Variants in TENM1 observed in about 807,000 individuals in gnomAD.
TENM1 encodes the protein teneurin-1.
TENM1 carries 35 observed loss-of-function variants against 174.8 expected under a neutral mutation model. The observed-to-expected ratio is 0.20, with a 90% CI of 0.15 to 0.27. TENM1 has a LOEUF of 0.27. TENM1 is among the 10% of genes least tolerant of loss of function. The pLI is 1.00. For synonymous variants in TENM1, 781 were observed against 798.7 expected (o/e 0.98, Z 0.37); for missense variants, 1,633 against 2,130.1 (o/e 0.77, Z 4.59).
intron 3 of TENM1, among the ~76,000 whole-genome samples, chrX:124,850,955 TAA>T (rs779532343): frequency 9.0e-6 from 1 of 111,361 alleles, no homozygotes; most frequent in Non-Finnish European, 1.9e-5. Context: ...AACTTCTGAA[TAA>T]AGAGACAGCC....
At position 124,742,407 on chromosome X, in the gene TENM1, C is replaced by A. The variant is rs111416628; in HGVS notation, c.536-5210G>T. Among the ~76,000 whole-genome samples the A allele has an allele frequency of 4.5e-3, 498 of 111,253 alleles. 3 individuals are homozygous for A. Among genetic ancestry groups the A allele is most frequent in the African/African-American group, 0.015 (469 of 30,675 alleles). ...AATGAGTTTGTTTTCCCCTAACTCA[C>A]TGGGTGGCAAAAGCTGACCTGAAAT... On this transcript the variant is annotated intron_variant, in intron 3 of 31. Coordinates refer to ENST00000422452, the Ensembl canonical transcript of TENM1.
Position 124,663,751 on chromosome X carries a change from G to GTTT in TENM1, c.1168+7929_1168+7931dup, listed in dbSNP as rs60541515. Among the ~76,000 whole-genome samples, 694 of 93,917 alleles carry GTTT rather than the reference G, an allele frequency of 7.4e-3. 7 individuals carry two copies. Among genetic ancestry groups the GTTT allele is most frequent in the African/African-American group, 0.026 (669 of 26,086 alleles). The allele number at this position is 93,917 out of a possible 115,157, so 81.6% of individuals were successfully genotyped here. On this transcript the variant is annotated intron_variant, in intron 6 of 31. Coordinates refer to ENST00000422452, the Ensembl canonical transcript of TENM1. ...TGCATCACAGGAAAGGTGTGTATTA[G>GTTT]TTTTTTTTTTTTTTTTTAAGTAAAA...
intron 23 of TENM1, among the ~76,000 whole-genome samples, chrX:124,448,962 G>C (rs1247552701): frequency 9.0e-6 from 1 of 111,451 alleles, no homozygotes; most frequent in Non-Finnish European, 1.9e-5. Flanking sequence ...TTTAATAAAG[G>C]TAGAGGGTGA....
the TENM1 span, among the ~76,000 whole-genome samples, chrX:125,202,267 A>G: frequency 8.9e-6 from 1 of 112,068 alleles, no homozygotes; most frequent in Non-Finnish European, 1.9e-5. Context: ...AATTATAATC[A>G]TAGAACAAGA....
At chrX:125,001,852 T>TAGATACACACAC in the TENM1 span, among the ~76,000 whole-genome samples, 55 of 84,925 alleles carry the variant, frequency 6.5e-4, no homozygotes, top group East Asian at 4.6e-3. Context: ...TATAGATAGA[T>TAGATACACACAC]ACACACACAC....
At chrX:124,611,633 A>G (rs191674940) in intron 11 of TENM1, among the ~76,000 whole-genome samples, 32 of 111,499 alleles carry the variant, frequency 2.9e-4, no homozygotes, top group African/African-American at 8.8e-4. Context: ...GAAGACCAAT[A>G]ATGTTTTTCA....
At chrX:124,804,169 T>C (rs1038487246) in intron 3 of TENM1, among the ~76,000 whole-genome samples, 7 of 112,157 alleles carry the variant, frequency 6.2e-5, no homozygotes, top group African/African-American at 2.3e-4. Context: ...TAAAGAGACC[T>C]GCCTGCCAGG....
chrX:124,417,811 T>C (rs2060611105), intron 25 of TENM1, among the ~76,000 whole-genome samples: 1 of 111,803 alleles, frequency 8.9e-6, no homozygotes, highest in African/African-American at 3.3e-5. Flanking sequence ...TGTATAGTCT[T>C]CCCCTCTTGG....
the TENM1 span, among the ~76,000 whole-genome samples, chrX:125,176,617 A>T: frequency 9.0e-6 from 1 of 111,248 alleles, no homozygotes; most frequent in Non-Finnish European, 1.9e-5. Flanking sequence ...AACATTCTTG[A>T]CAGGCTTCCC....
At chrX:124,611,707 CTT>C (rs943534554) in intron 11 of TENM1, among the ~76,000 whole-genome samples, 8 of 111,880 alleles carry the variant, frequency 7.2e-5, no homozygotes, top group Non-Finnish European at 1.5e-4. Flanking sequence ...TTCTTTATCT[CTT>C]GTTCTACTCA....
chrX:125,060,146 G>A, the TENM1 span, among the ~76,000 whole-genome samples: 2 of 95,275 alleles, frequency 2.1e-5, no homozygotes, highest in Non-Finnish European at 2.1e-5. Context: ...CCCAACTTTC[G>A]CTCTCTCTCT....
intron 25 of TENM1, among the ~76,000 whole-genome samples, chrX:124,407,675 A>G (rs2060478634): frequency 8.9e-6 from 1 of 112,806 alleles, no homozygotes; most frequent in Non-Finnish European, 1.9e-5. Flanking sequence ...ACTTTATAGG[A>G]CAGACTTGAA....
At chrX:124,762,482 C>T (rs1351490187) in intron 3 of TENM1, among the ~76,000 whole-genome samples, 2 of 112,002 alleles carry the variant, frequency 1.8e-5, no homozygotes, top group African/African-American at 6.5e-5. Flanking sequence ...CACTATATAG[C>T]ATAAATTGAT....
intron 5 of TENM1, among the ~76,000 whole-genome samples, chrX:124,679,402 C>A (rs1428333498): frequency 1.8e-5 from 2 of 111,415 alleles, no homozygotes; most frequent in African/African-American, 3.3e-5. Context: ...GTACATTACC[C>A]AGATGGTGAC....
At chrX:124,711,863 A>G (rs921417545) in intron 4 of TENM1, among the ~76,000 whole-genome samples, 3 of 111,297 alleles carry the variant, frequency 2.7e-5, no homozygotes, top group African/African-American at 9.8e-5. Context: ...TGTTCTTTCC[A>G]TCCTCTTCCA....
At chrX:125,137,755 A>G in the TENM1 span, among the ~76,000 whole-genome samples, 1 of 111,231 alleles carries the variant, frequency 9.0e-6, no homozygotes, top group Non-Finnish European at 1.9e-5. Flanking sequence ...TAATTTGTGC[A>G]AGTGCTTGGC....
intron 3 of TENM1, among the ~76,000 whole-genome samples, chrX:124,833,868 C>T (rs933161307): frequency 2.7e-5 from 3 of 110,909 alleles, no homozygotes; most frequent in Non-Finnish European, 3.8e-5. Context: ...AATACACACT[C>T]ATGTCAGGGA....
At chrX:124,975,149 C>T in the TENM1 span, among the ~76,000 whole-genome samples, 1 of 109,087 alleles carries the variant, frequency 9.2e-6, no homozygotes, top group African/African-American at 3.3e-5. Flanking sequence ...AACTCCAGCA[C>T]CTTCTAAAGT....
intron 3 of TENM1, among the ~76,000 whole-genome samples, chrX:124,741,624 C>T (rs1298233915): frequency 9.0e-6 from 1 of 111,727 alleles, no homozygotes; most frequent in Non-Finnish European, 1.9e-5. Flanking sequence ...AAATATGACA[C>T]TTTATCTTGT....
Sources: gnomAD v4.1 joint callset for allele counts (sites outside exome capture counted in the v4.1 genomes callset) on GRCh38, gnomAD v4.1.1 for gene constraint, MANE v1.5 for transcripts, NCBI Gene and HGNC (gene_info 2026-07-23, HGNC 2026-07-21) for gene names.